The following NBEA variants were observed in gnomAD, a reference collection of about 807,000 sequenced individuals.
NBEA encodes the protein neurobeachin.
A neutral mutation model predicts 343.4 loss-of-function variants in NBEA; 44 were observed. That is an observed-to-expected ratio of 0.13 (90% CI 0.10 to 0.16). The LOEUF (loss-of-function observed/expected upper bound fraction) is 0.16. Among genes scored for constraint, NBEA ranks in the 10% least tolerant of loss-of-function variants. The pLI, the probability that NBEA is intolerant of heterozygous loss-of-function variation, is 1.00. For missense variants in NBEA, 2,555 were observed against 3,631.3 expected (o/e 0.70, Z 7.62); for synonymous variants, 1,175 against 1,238.7 (o/e 0.95, Z 1.08).
At chr13:35,125,424 T>G (rs1401996108) in intron 17 of NBEA, among the ~76,000 whole-genome samples, 1 of 152,190 alleles carries the variant, frequency 6.6e-6, no homozygotes, top group Admixed American at 6.5e-5. Context: ...ATAATAGATA[T>G]ACATATATCA....
At chr13:35,176,856 A>G (rs2070936600) in intron 27 of NBEA, 140 bp from the exon 28 acceptor site, 5 of 579,766 alleles carry the variant, frequency 8.6e-6, no homozygotes, top group Non-Finnish European at 1.2e-5. Context: ...ATGCATTGTA[A>G]TAGAGGATTA....
At position 35,122,913 on chromosome 13, in the gene NBEA, A is replaced by G. The variant is rs552174050; in HGVS notation, c.2244-569A>G. 7.4e-4 allele frequency among the ~76,000 whole-genome samples: 113 copies of G among 152,278 alleles called. 3 individuals are homozygous for G. The South Asian group carries it at 0.023, about 31-fold the overall frequency. The stretch of plus-strand genomic sequence containing the variant: ...AATTCAAGAGCCCAGCAAAGAGGAG[A>G]TATTGTTTCTTAGACCTCATTCCAA... On this transcript the variant is annotated intron_variant, in intron 16 of 58. Transcript: ENST00000379939.
intron 36 of NBEA, among the ~76,000 whole-genome samples, chr13:35,341,297 T>G (rs796766707): frequency 6.6e-6 from 1 of 152,018 alleles, no homozygotes; most frequent in African/African-American, 2.4e-5. Context: ...CTATAACTAT[T>G]AGAAGGAAAC....
rs576793293 is a variant in NBEA at position 34,984,282 on chromosome 13, T to C, written c.294+41168T>C. On this transcript the variant is annotated intron_variant, in intron 1 of 58. Coordinates refer to ENST00000379939, the MANE Select transcript of NBEA (RefSeq NM_001385012.1). ...TAGCCAGTTATTAAATAGGGAATCC[T>C]TTTGTTTATTAAATAGGGAATCCTT... Among the ~76,000 whole-genome samples the C allele has an allele frequency of 2.0e-5, 3 of 151,166 alleles. No homozygotes were observed. In the South Asian group the frequency reaches 6.2e-4, roughly 31 times the overall value.
intron 38 of NBEA, among the ~76,000 whole-genome samples, chr13:35,399,704 A>T (rs2042906458): frequency 6.6e-6 from 1 of 152,110 alleles, no homozygotes; most frequent in African/African-American, 2.4e-5. Context: ...AACTTGGCTA[A>T]CCATTTGGAG....
intron 44 of NBEA, among the ~76,000 whole-genome samples, chr13:35,559,911 AC>A (rs2079777346): frequency 6.9e-6 from 1 of 145,264 alleles, no homozygotes; most frequent in South Asian, 2.3e-4. Flanking sequence ...AGCCTGGGCG[AC>A]AGAGCGAGAC....
At chr13:35,554,889 TTTAAG>T (rs2079512739) in intron 43 of NBEA, 93 bp from the exon 44 acceptor site, 1 of 514,090 alleles carries the variant, frequency 1.9e-6, no homozygotes, top group Non-Finnish European at 3.4e-6. Flanking sequence ...CATAAATTAT[TTTAAG>T]TTGATTATCA....
rs188451607 is a variant in NBEA at position 35,069,246 on chromosome 13, A to G, written c.1240-662A>G. 2.6e-3 allele frequency among the ~76,000 whole-genome samples: 401 copies of G among 152,262 alleles called. 2 individuals are homozygous for G. The highest frequency in any genetic ancestry group is 9.1e-3 in the African/African-American group (377 of 41,564). On this transcript the variant is annotated intron_variant, in intron 8 of 58. Transcript: ENST00000379939. ...TATGTGATTATTGCAAAGGTTAAAT[A>G]TTATTTATCATTATTAGATTCATAT...
At chr13:35,107,156 C>G (rs2065960095) in intron 11 of NBEA, among the ~76,000 whole-genome samples, 1 of 151,814 alleles carries the variant, frequency 6.6e-6, no homozygotes, top group Non-Finnish European at 1.5e-5. Flanking sequence ...AACTAGTGAT[C>G]TCTTATTTTA....
chr13:35,381,786 A>T (rs935274061), intron 38 of NBEA, among the ~76,000 whole-genome samples: 2 of 152,146 alleles, frequency 1.3e-5, no homozygotes, highest in African/African-American at 4.8e-5. Context: ...CTGGGAGTTC[A>T]TAATAAAAAG....
intron 39 of NBEA, among the ~76,000 whole-genome samples, chr13:35,449,891 A>AAAAAGAGG (rs1199939068): frequency 1.4e-4 from 21 of 152,162 alleles, no homozygotes; most frequent in Non-Finnish European, 2.9e-4. Context: ...CTATTTATAC[A>AAAAAGAGG]TTTAAGGTAC....
At chr13:35,034,112 C>T (rs763300854) in intron 1 of NBEA, among the ~76,000 whole-genome samples, 11 of 150,904 alleles carry the variant, frequency 7.3e-5, no homozygotes, top group African/African-American at 1.5e-4. Flanking sequence ...TTTAGTTTTT[C>T]GTTTTTCCCC....
chr13:35,574,391 A>AAG (rs2153031869), intron 45 of NBEA, among the ~76,000 whole-genome samples: 1 of 115,656 alleles, frequency 8.6e-6, no homozygotes, highest in African/African-American at 3.9e-5. Flanking sequence ...AAAAAAAAAG[A>AAG]AAAACAAAAG....
At chr13:35,272,721 A>G (rs1057169959) in intron 34 of NBEA, among the ~76,000 whole-genome samples, 3 of 152,252 alleles carry the variant, frequency 2.0e-5, no homozygotes, top group Admixed American at 6.5e-5. Flanking sequence ...CTCTGATAAA[A>G]CAGACTTTTA....
At position 35,222,412 on chromosome 13, in the gene NBEA, T is replaced by G. The variant is rs150935908; in HGVS notation, c.5649-10080T>G. On this transcript the variant is annotated intron_variant, in intron 33 of 58. Transcript: ENST00000379939. ...ACAATTTTTATATTTTAATTGGTAT[T>G]TCTACATCATTTGCATTCAGTATAA... Among the ~76,000 whole-genome samples the G allele has an allele frequency of 2.2e-3, 337 of 152,280 alleles. 2 individuals are homozygous for G. The highest frequency in any genetic ancestry group is 6.9e-3 in the Middle Eastern group (2 of 290).
At chr13:35,528,482 T>C (rs1039182447) in intron 41 of NBEA, among the ~76,000 whole-genome samples, 1 of 152,226 alleles carries the variant, frequency 6.6e-6, no homozygotes, top group African/African-American at 2.4e-5. Context: ...ATGACAAATA[T>C]GAATATTTAC....
chr13:35,002,356 T>C lies in NBEA; in HGVS notation c.295-38577T>C, dbSNP rs901522207. Among the ~76,000 whole-genome samples the C allele has an allele frequency of 6.6e-5, 10 of 152,192 alleles. No homozygotes were observed. In the East Asian group the frequency reaches 1.7e-3, roughly 26 times the overall value. On this transcript the variant is annotated intron_variant, in intron 1 of 58. Transcript: ENST00000379939. ...CACAATTTCATCAGGGCAGGAACTC[T>C]GTGAGTAAAGGAGGGAAATCTTCCA...
At chr13:35,638,430 T>C (rs1162976450) in intron 49 of NBEA, among the ~76,000 whole-genome samples, 3 of 152,198 alleles carry the variant, frequency 2.0e-5, no homozygotes, top group Non-Finnish European at 2.9e-5. Flanking sequence ...ACAAGAGCTG[T>C]GGCCTTAGGT....
At chr13:35,488,549 A>G (rs2076386514) in intron 41 of NBEA, among the ~76,000 whole-genome samples, 1 of 151,946 alleles carries the variant, frequency 6.6e-6, no homozygotes, top group Admixed American at 6.6e-5. Context: ...CAAACTAATA[A>G]ACTTTCAATG....
Sources: gnomAD v4.1 joint callset for allele counts (sites outside exome capture counted in the v4.1 genomes callset) on GRCh38, gnomAD v4.1.1 for gene constraint, MANE v1.5 for transcripts, NCBI Gene and HGNC (gene_info 2026-07-23, HGNC 2026-07-21) for gene names.